ZFPM2: variants seen among roughly 807,000 people sequenced by gnomAD.
ZFPM2 encodes the protein zinc finger protein, FOG family member 2.
A neutral mutation model predicts 98.6 loss-of-function variants in ZFPM2; 20 were observed. The observed-to-expected ratio is 0.20, with a 90% CI of 0.14 to 0.29. The LOEUF (loss-of-function observed/expected upper bound fraction) is 0.29. ZFPM2 is among the 10% of genes least tolerant of loss of function. The pLI is 1.00. For missense variants in ZFPM2, 1,310 were observed against 1,388.6 expected, an observed-to-expected ratio of 0.94 and a Z score of 0.90; for synonymous variants, 518 against 502.7, an observed-to-expected ratio of 1.03 and a Z score of -0.41.
chr8:105,389,902 GCAGATTTGT>G (rs1323576174), intron 1 of ZFPM2, among the ~76,000 whole-genome samples: 1 of 152,176 alleles, frequency 6.6e-6, no homozygotes, highest in Non-Finnish European at 1.5e-5. Context: ...TCTTTAGGGT[GCAGATTTGT>G]CAGATTTAGG....
chr8:105,548,652 TAAAGG>T (rs947845513), intron 3 of ZFPM2, among the ~76,000 whole-genome samples: 1 of 152,152 alleles, frequency 6.6e-6, no homozygotes. Flanking sequence ...TCTGATTTCT[TAAAGG>T]AAAAAGATGG....
At chr8:105,599,257 A>G (rs1403795101) in intron 4 of ZFPM2, among the ~76,000 whole-genome samples, 5 of 152,076 alleles carry the variant, frequency 3.3e-5, no homozygotes, top group Non-Finnish European at 5.9e-5. Context: ...GATATAAAGC[A>G]TGTCATACTG....
chr8:105,580,308 G>A (rs1250584363), intron 4 of ZFPM2, among the ~76,000 whole-genome samples: 1 of 152,072 alleles, frequency 6.6e-6, no homozygotes, highest in Non-Finnish European at 1.5e-5. Context: ...TCTAAATAGT[G>A]AATATATACC....
At chr8:105,681,060 A>G (rs1810588837) in intron 5 of ZFPM2, among the ~76,000 whole-genome samples, 1 of 152,226 alleles carries the variant, frequency 6.6e-6, no homozygotes, top group African/African-American at 2.4e-5. Context: ...GTGAAAATAT[A>G]ATTTGCACAT....
At chr8:105,629,758 A>G (rs893665000) in intron 4 of ZFPM2, among the ~76,000 whole-genome samples, 6 of 152,158 alleles carry the variant, frequency 3.9e-5, no homozygotes, top group African/African-American at 1.4e-4. Context: ...GGCCATTCTC[A>G]GTTTTTAGAC....
intron 1 of ZFPM2, among the ~76,000 whole-genome samples, chr8:105,398,083 T>G (rs998124946): frequency 1.3e-5 from 2 of 152,070 alleles, no homozygotes; most frequent in Non-Finnish European, 2.9e-5. Context: ...AAAGAGAAAC[T>G]CAGCAAAAGT....
At chr8:105,592,930 CA>C (rs1376506830) in intron 4 of ZFPM2, among the ~76,000 whole-genome samples, 2 of 152,136 alleles carry the variant, frequency 1.3e-5, no homozygotes, top group Non-Finnish European at 2.9e-5. Context: ...TGATTTATGA[CA>C]GGGCTGCAGC....
chr8:105,625,790 C>T (rs1346340977), intron 4 of ZFPM2, among the ~76,000 whole-genome samples: 3 of 151,820 alleles, frequency 2.0e-5, no homozygotes, highest in Non-Finnish European at 4.4e-5. Context: ...ACCATGTTGG[C>T]CAGGCTGGTC....
intron 5 of ZFPM2, among the ~76,000 whole-genome samples, chr8:105,714,672 A>G (rs2130984201): frequency 6.6e-6 from 1 of 152,152 alleles, no homozygotes; most frequent in East Asian, 1.9e-4. Context: ...AATGTATGCT[A>G]CTGAACATTA....
intron 5 of ZFPM2, among the ~76,000 whole-genome samples, chr8:105,643,208 A>G (rs1816979409): frequency 6.6e-6 from 1 of 152,182 alleles, no homozygotes; most frequent in African/African-American, 2.4e-5. Flanking sequence ...GGTGTTACAC[A>G]CCTCTAGAAA....
intron 1 of ZFPM2, among the ~76,000 whole-genome samples, chr8:105,374,726 G>C (rs1182896297): frequency 1.3e-5 from 2 of 152,114 alleles, no homozygotes; most frequent in Non-Finnish European, 2.9e-5. Context: ...CAAAACTCTG[G>C]TTAAGTGGAC....
chr8:105,519,833 A>T (rs2130541901), intron 3 of ZFPM2, among the ~76,000 whole-genome samples: 1 of 151,974 alleles, frequency 6.6e-6, no homozygotes, highest in Admixed American at 6.6e-5. Context: ...GAATTCACTC[A>T]GGAATGTTTA....
intron 1 of ZFPM2, among the ~76,000 whole-genome samples, chr8:105,379,227 A>C (rs1411073305): frequency 6.6e-6 from 1 of 152,198 alleles, no homozygotes; most frequent in Non-Finnish European, 1.5e-5. Context: ...GTATTATTAC[A>C]GTGTGATTTA....
Position 105,686,403 on chromosome 8 carries a change from A to C in ZFPM2, c.532+52046A>C, listed in dbSNP as rs193279209. ...CAAAACTTTAGTGTTGAACCCTAGT[A>C]GCATTTTTTTGGAGGCTCCATGTTG... On this transcript the variant is annotated intron_variant, in intron 5 of 7. Coordinates refer to ENST00000407775, the MANE Select transcript of ZFPM2 (RefSeq NM_012082.4). Among the ~76,000 whole-genome samples, 221 of 152,200 alleles carry C rather than the reference A, an allele frequency of 1.5e-3. 2 individuals are homozygous for C. Among genetic ancestry groups the C allele is most frequent in the South Asian group, 1.7e-3 (8 of 4,824 alleles).
rs367625694 is a variant in ZFPM2 at position 105,788,804 on chromosome 8, C to A, written c.619C>A (p.Gln207Lys). The change falls in exon 6 of 8, where the codon CAA becomes AAA. Residue 207 changes from glutamine to lysine, a missense_variant. Physicochemically the swap from Gln to Lys is moderately conservative, Grantham distance 53. Transcript: ENST00000407775. ...AFVVDFDSRL[Q>K]AASQMTLTEG... ...TGTGGTGGATTTTGACTCAAGGCTA[C>A]AAGCTGCCAGTCAGATGACTCTCAC... 6.2e-7 allele frequency: 1 copy of A among 1,613,982 alleles called. No homozygotes were observed. The highest frequency in any genetic ancestry group is 1.3e-5 in the African/African-American group (1 of 75,042).
rs193092339 is a variant in ZFPM2, at chr8:105,718,532, A to G, written c.533-70186A>G. ...CTTGTACTAAAAATTAAGTAAGATA[A>G]TGTCTTTGAAAGGGTTTTTGCAAGT... On this transcript the variant is annotated intron_variant, in intron 5 of 7. Transcript: ENST00000407775. Among the ~76,000 whole-genome samples, 290 of 152,124 alleles carry G rather than the reference A, an allele frequency of 1.9e-3. 1 individual carries two copies. The highest frequency in any genetic ancestry group is 3.1e-3 in the Non-Finnish European group (208 of 67,946).
intron 5 of ZFPM2, among the ~76,000 whole-genome samples, chr8:105,694,176 C>T (rs1340720845): frequency 2.0e-5 from 3 of 151,336 alleles, no homozygotes; most frequent in East Asian, 1.9e-4. Context: ...TTAGTAGAGA[C>T]GGGGTTTCGC....
chr8:105,731,401 A>C (rs191003938), intron 5 of ZFPM2, among the ~76,000 whole-genome samples: 1 of 151,754 alleles, frequency 6.6e-6, no homozygotes, highest in Admixed American at 6.6e-5. Context: ...AGAAGGAAGC[A>C]TGCTATAATA....
rs977983058 is a variant in ZFPM2, at chr8:105,804,328, C to T, written c.*790C>T. On this transcript the variant is annotated 3_prime_UTR_variant, in exon 8 of 8. Coordinates refer to ENST00000407775, the MANE Select transcript of ZFPM2 (RefSeq NM_012082.4). The stretch of plus-strand genomic sequence containing the variant: ...ATGAGGTAGTATTAATCAGTTTTAT[C>T]TTTTGAAAGGCACAGTCTAAATCGA... 2 of 152,576 alleles carry T rather than the reference C, an allele frequency of 1.3e-5. No homozygotes were observed. The highest frequency in any genetic ancestry group is 4.8e-5 in the African/African-American group (2 of 41,444). The allele number at this position is 152,576 out of a possible 1,614,324, so 9.5% of individuals were successfully genotyped here.
Sources: gnomAD v4.1 joint callset for allele counts (sites outside exome capture counted in the v4.1 genomes callset) on GRCh38, gnomAD v4.1.1 for gene constraint, MANE v1.5 for transcripts, NCBI Gene and HGNC (gene_info 2026-07-23, HGNC 2026-07-21) for gene names.